DNAAF1: variants seen among roughly 807,000 people sequenced by gnomAD.
The protein encoded by DNAAF1 is dynein axonemal assembly factor 1, also known as dynein assembly factor 1, axonemal.
In DNAAF1, 65 loss-of-function variants were observed where a neutral mutation model predicts 71.1. The observed-to-expected ratio is 0.91, with a 90% confidence interval of 0.75 to 1.12. The LOEUF is 1.12. Among genes scored for constraint, DNAAF1 ranks in the 50% most tolerant of loss-of-function variants. The pLI is 0.00. For missense variants in DNAAF1, 1,178 were observed against 899.8 expected, an observed-to-expected ratio of 1.31 and a Z score of -3.96; for synonymous variants, 414 against 354.6, an observed-to-expected ratio of 1.17 and a Z score of -1.88.
chr16:84,160,627 C>A (rs2087654029), intron 6 of DNAAF1, among the ~76,000 whole-genome samples: 1 of 152,132 alleles, frequency 6.6e-6, no homozygotes, highest in African/African-American at 2.4e-5. Flanking sequence ...AATAGAGCTT[C>A]CACTTTAGCC....
intron 1 of DNAAF1, among the ~76,000 whole-genome samples, chr16:84,148,068 A>G (rs1405806208): frequency 2.7e-5 from 4 of 149,548 alleles, no homozygotes; most frequent in African/African-American, 4.9e-5. Flanking sequence ...ACGGTCTCCA[A>G]AAAAAAAAAG....
chr16:84,153,335 G>A (rs1483301177), intron 3 of DNAAF1, among the ~76,000 whole-genome samples: 1 of 152,064 alleles, frequency 6.6e-6, no homozygotes, highest in Non-Finnish European at 1.5e-5. Context: ...CAAACCACAT[G>A]GCACACATTT....
chr16:84,154,029 TG>T (rs1226494268), intron 3 of DNAAF1, among the ~76,000 whole-genome samples: 1 of 152,160 alleles, frequency 6.6e-6, no homozygotes, highest in Non-Finnish European at 1.5e-5. Context: ...ACCGTGACTC[TG>T]ATAGGCTGCC....
chr16:84,154,596 C>A lies in DNAAF1; in HGVS notation c.372C>A (p.Asn124Lys). 6.2e-7 allele frequency: 1 copy of A among 1,614,126 alleles called. No homozygotes were observed. The highest frequency in any genetic ancestry group is 2.2e-5 in the East Asian group (1 of 44,882). Residue 124 changes from asparagine (N) to lysine (K), a missense_variant, in exon 4 of 12, where the codon AAC becomes AAA. Asn to Lys is a moderately conservative substitution (Grantham distance 94, BLOSUM62 0). Coordinates refer to ENST00000378553, the MANE Select transcript of DNAAF1 (RefSeq NM_178452.6). ...TGTTAGGTTTTGATCGCATTGAGAA[C>A]CTGGAAGAGTACACAGGGCTGCGCT... ...LHFKGFDRIE[N>K]LEEYTGLRCL...
intron 5 of DNAAF1, chr16:84,159,019 C>T: frequency 1.0e-6 from 1 of 986,750 alleles, no homozygotes; most frequent in South Asian, 4.7e-5. Flanking sequence ...GAGTGAGCCA[C>T]CATGCCCAGC....
intron 10 of DNAAF1, chr16:84,175,549 A>G: frequency 3.6e-6 from 1 of 278,344 alleles, no homozygotes; most frequent in Non-Finnish European, 7.0e-6. Flanking sequence ...GCTCAGCAGC[A>G]AAGAAAACAG....
chr16:84,175,809 T>C, intron 10 of DNAAF1, 124 bp from the exon 11 acceptor site: 3 of 1,296,824 alleles, frequency 2.3e-6, no homozygotes, highest in Non-Finnish European at 3.3e-6. Context: ...CCTTGGGCCT[T>C]TCTTGGATGT....
chr16:84,146,654 TTGCAGTGAGCCAAGGGGGAGGCTGAGGC>T (rs2086926709), intron 1 of DNAAF1, among the ~76,000 whole-genome samples: 1 of 151,740 alleles, frequency 6.6e-6, no homozygotes, highest in Non-Finnish European at 1.5e-5. Context: ...GAGGCAGAGG[TTGCAGTGAGCCAAGGGGGAGGCTGAGGC>T]TGCAGTGAGC....
intron 3 of DNAAF1, among the ~76,000 whole-genome samples, chr16:84,152,374 C>A (rs1158419140): frequency 6.6e-6 from 1 of 152,158 alleles, no homozygotes; most frequent in Non-Finnish European, 1.5e-5. Flanking sequence ...GACTTAAGGC[C>A]AGGCGTGGTG....
At chr16:84,153,333 A>G (rs1199326407) in intron 3 of DNAAF1, among the ~76,000 whole-genome samples, 2 of 152,210 alleles carry the variant, frequency 1.3e-5, no homozygotes, top group Non-Finnish European at 2.9e-5. Flanking sequence ...AGCAAACCAC[A>G]TGGCACACAT....
At chr16:84,159,592 A>G (rs1405861358) in intron 5 of DNAAF1, 83 bp from the exon 6 acceptor site, 2 of 1,526,482 alleles carry the variant, frequency 1.3e-6, no homozygotes, top group East Asian at 2.5e-5. Context: ...GATTTTGTTC[A>G]TTTATTCTTA....
intron 11 of DNAAF1, 170 bp downstream of exon 11, chr16:84,176,469 C>T: frequency 9.4e-7 from 1 of 1,061,222 alleles, no homozygotes. Flanking sequence ...GTTCACGGGT[C>T]TGAAGCTGCC....
At chr16:84,149,555 G>C (rs1041348872) in intron 2 of DNAAF1, among the ~76,000 whole-genome samples, 1 of 151,686 alleles carries the variant, frequency 6.6e-6, no homozygotes, top group Non-Finnish European at 1.5e-5. Context: ...GCTGGGCGTA[G>C]TGGCGGGCAC....
intron 10 of DNAAF1, chr16:84,175,249 T>G: frequency 4.7e-6 from 1 of 212,856 alleles, no homozygotes; most frequent in South Asian, 7.8e-5. Context: ...GAAAATCTAT[T>G]GCTGGTTTGT....
At chr16:84,162,954 A>T (rs952471843) in intron 6 of DNAAF1, among the ~76,000 whole-genome samples, 1 of 152,118 alleles carries the variant, frequency 6.6e-6, no homozygotes, top group African/African-American at 2.4e-5. Context: ...ATATAAATGG[A>T]GTCACTCACC....
chr16:84,174,530 C>T, intron 9 of DNAAF1, 139 bp from the exon 10 acceptor site: 3 of 1,556,086 alleles, frequency 1.9e-6, no homozygotes, highest in East Asian at 2.4e-5. Flanking sequence ...TGGTGGGGAA[C>T]AGGCAGGCGA....
chr16:84,148,596 C>CTCTCTCTCTTTTTT, intron 1 of DNAAF1, among the ~76,000 whole-genome samples: 3 of 43,568 alleles, frequency 6.9e-5, no homozygotes, highest in African/African-American at 2.8e-4. Flanking sequence ...CTCTCTCTCT[C>CTCTCTCTCTTTTTT]TTTTTTTTTT....
intron 8 of DNAAF1, among the ~76,000 whole-genome samples, chr16:84,171,714 G>A (rs560137705): frequency 5.9e-5 from 9 of 152,160 alleles, no homozygotes; most frequent in African/African-American, 2.2e-4. Context: ...AGATTCCTGC[G>A]GCTGCTGCTT....
At chr16:84,174,160 C>G in intron 9 of DNAAF1, 1 of 999,240 alleles carries the variant, frequency 1.0e-6, no homozygotes, top group African/African-American at 1.7e-5. Context: ...CACCGTGGCT[C>G]CAGTTCATGC....
Sources: allele counts gnomAD v4.1 joint callset (sites outside exome capture counted in the v4.1 genomes callset), GRCh38; gene constraint gnomAD v4.1.1; transcripts MANE v1.5; gene names NCBI Gene and HGNC (gene_info 2026-07-23, HGNC 2026-07-21).